FOXP2: variants seen among roughly 807,000 people sequenced by gnomAD.
FOXP2 encodes the protein forkhead box P2.
FOXP2 carries 12 observed loss-of-function variants against 115.8 expected under a neutral mutation model. The ratio of observed to expected loss-of-function variants is 0.10; its 90% CI spans 0.07 to 0.17. The LOEUF (loss-of-function observed/expected upper bound fraction) is 0.17, where lower values mean the gene tolerates loss of function less well. Among genes scored for constraint, FOXP2 ranks in the 10% least tolerant of loss-of-function variants. The probability of loss-of-function intolerance (pLI) is 1.00; values close to 1 mark genes in which losing one functional copy is unlikely to be tolerated. For missense variants in FOXP2, 629 were observed against 843.5 expected (o/e 0.75, Z 3.15); for synonymous variants, 328 against 297.7 (o/e 1.10, Z -1.05).
chr7:114,679,505 C>A (rs1419069042), intron 16 of FOXP2, among the ~76,000 whole-genome samples: 1 of 152,090 alleles, frequency 6.6e-6, no homozygotes, highest in African/African-American at 2.4e-5. Flanking sequence ...TGCTCAAAAA[C>A]CATCAATAGC....
intron 2 of FOXP2, among the ~76,000 whole-genome samples, chr7:114,358,649 A>C (rs1454360093): frequency 2.0e-5 from 3 of 152,168 alleles, no homozygotes; most frequent in African/African-American, 7.2e-5. Flanking sequence ...AACAAAGGTG[A>C]TTCTTGATAT....
rs200186714 is a variant in FOXP2 at position 114,258,679 on chromosome 7, T to C, written c.-101-29340T>C. Among the ~76,000 whole-genome samples the C allele has an allele frequency of 7.2e-5, 11 of 152,356 alleles. No homozygotes were observed. In the East Asian group the frequency reaches 2.1e-3, roughly 29 times the overall value. Reference sequence around the variant, plus strand: ...ATTACCAGACTTATAGCAATGCTTCTGACAGTATTTATTTGATATATAAAT... The same window carrying C: ...ATTACCAGACTTATAGCAATGCTTCCGACAGTATTTATTTGATATATAAAT... On this transcript the variant is annotated intron_variant, in intron 1 of 17. Coordinates refer to the FOXP2 transcript ENST00000634411.
At chr7:114,682,787 A>T (rs1808164174) in intron 16 of FOXP2, among the ~76,000 whole-genome samples, 1 of 152,180 alleles carries the variant, frequency 6.6e-6, no homozygotes, top group Non-Finnish European at 1.5e-5. Context: ...TTGACAAGTG[A>T]AAACATGGAG....
In FOXP2 at chr7:114,584,212, AT is replaced by A. The variant is rs753251022; in HGVS notation, c.259-44319del. Among the ~76,000 whole-genome samples, 60 of 151,596 alleles carry A rather than the reference AT, an allele frequency of 4.0e-4. 1 individual carries two copies. Among genetic ancestry groups the A allele is most frequent in the East Asian group, 1.5e-3 (8 of 5,172 alleles). ...TCACACCATCTATGGCATTTTTCTGATTTTTTTTTATTACTCCACTACAAAC... is the reference window on the plus strand; with the variant it reads ...TCACACCATCTATGGCATTTTTCTGATTTTTTTTATTACTCCACTACAAAC... On this transcript the variant is annotated intron_variant, in intron 3 of 16. Transcript: ENST00000350908.
chr7:114,466,416 C>T (rs772448226), intron 2 of FOXP2, among the ~76,000 whole-genome samples: 5 of 152,198 alleles, frequency 3.3e-5, no homozygotes, highest in East Asian at 3.9e-4. Context: ...TATCAATGGC[C>T]TCCCAGATGT....
At chr7:114,146,309 T>C (rs751814693) in intron 1 of FOXP2, among the ~76,000 whole-genome samples, 28 of 152,196 alleles carry the variant, frequency 1.8e-4, no homozygotes, top group Non-Finnish European at 3.8e-4. Context: ...CTAGGCATAA[T>C]ACATGTTGAA....
intron 2 of FOXP2, among the ~76,000 whole-genome samples, chr7:114,292,478 A>G (rs1033344571): frequency 3.9e-5 from 6 of 152,084 alleles, no homozygotes; most frequent in African/African-American, 1.4e-4. Flanking sequence ...ATGTGGCAAA[A>G]CCCAAATATC....
intron 3 of FOXP2, 111 bp from the exon 4 acceptor site, chr7:114,628,429 T>A (rs1804711837): frequency 1.4e-6 from 2 of 1,410,154 alleles, no homozygotes. Flanking sequence ...TAAAAATTAT[T>A]GATCATCAAT....
chr7:114,511,247 C>A (rs1026706873), intron 2 of FOXP2, among the ~76,000 whole-genome samples: 1 of 152,054 alleles, frequency 6.6e-6, no homozygotes, highest in African/African-American at 2.4e-5. Context: ...GGAGAAATAC[C>A]TAATGTAGAT....
At chr7:114,111,378 A>G (rs1562967546) in intron 1 of FOXP2, among the ~76,000 whole-genome samples, 1 of 152,076 alleles carries the variant, frequency 6.6e-6, no homozygotes, top group African/African-American at 2.4e-5. Flanking sequence ...GGTGAGCTCT[A>G]CCCCTACCTG....
intron 1 of FOXP2, among the ~76,000 whole-genome samples, chr7:114,267,177 T>C (rs936409364): frequency 1.1e-4 from 17 of 152,066 alleles, no homozygotes; most frequent in African/African-American, 2.9e-4. Flanking sequence ...TTACTGAAGA[T>C]TGAAAAAATT....
chr7:114,324,357 A>G (rs1225439920), intron 2 of FOXP2, among the ~76,000 whole-genome samples: 1 of 151,906 alleles, frequency 6.6e-6, no homozygotes, highest in Non-Finnish European at 1.5e-5. Flanking sequence ...TTCCTCTGCT[A>G]TATACTGACA....
intron 2 of FOXP2, among the ~76,000 whole-genome samples, chr7:114,517,336 T>G (rs1459888533): frequency 1.3e-5 from 2 of 152,178 alleles, no homozygotes; most frequent in Non-Finnish European, 1.5e-5. Context: ...GGCAGAAGCT[T>G]TTTAGTTTGA....
intron 2 of FOXP2, among the ~76,000 whole-genome samples, chr7:114,478,456 T>C (rs1347689927): frequency 1.3e-5 from 2 of 151,848 alleles, no homozygotes. Context: ...AAGTTGACCT[T>C]ATTGAGAACC....
At position 114,664,443 on chromosome 7, in the gene FOXP2, G is replaced by A; in HGVS notation, c.2003+7G>A. On this transcript the variant is annotated splice_region_variant and intron_variant, in intron 16 of 16. Coordinates refer to ENST00000350908, the MANE Select transcript of FOXP2 (RefSeq NM_014491.4). ...GCTCACCTCAGCCGCACATGTAAGT[G>A]TGGTTAACAGACTCTCTAAAGGGAA... The A allele has an allele frequency of 2.5e-6, 4 of 1,613,264 alleles. No individual in the cohort carries two copies. The highest frequency in any genetic ancestry group is 3.4e-6 in the Non-Finnish European group (4 of 1,179,556).
chr7:114,468,307 C>T (rs1795898138), intron 2 of FOXP2, among the ~76,000 whole-genome samples: 1 of 152,014 alleles, frequency 6.6e-6, no homozygotes, highest in Non-Finnish European at 1.5e-5. Flanking sequence ...AATTCTGGCT[C>T]TGCATTGTGT....
intron 2 of FOXP2, among the ~76,000 whole-genome samples, chr7:114,359,028 C>A (rs1030176235): frequency 6.6e-6 from 1 of 152,118 alleles, no homozygotes; most frequent in Non-Finnish European, 1.5e-5. Flanking sequence ...CAGGGCTTAT[C>A]AAAGGTCTTC....
intron 1 of FOXP2, among the ~76,000 whole-genome samples, chr7:114,272,998 A>G (rs995729212): frequency 6.6e-5 from 10 of 151,472 alleles, no homozygotes. Context: ...GTAATTTGAC[A>G]TTCTTTTTCT....
chr7:114,508,462 C>CTACA (rs1169825368), intron 2 of FOXP2, among the ~76,000 whole-genome samples: 2 of 151,934 alleles, frequency 1.3e-5, no homozygotes, highest in African/African-American at 4.8e-5. Context: ...TGATCTAGTC[C>CTACA]TACAAAAGCA....
Sources: gnomAD v4.1 joint callset for allele counts (sites outside exome capture counted in the v4.1 genomes callset) on GRCh38, gnomAD v4.1.1 for gene constraint, MANE v1.5 for transcripts, NCBI Gene and HGNC (gene_info 2026-07-23, HGNC 2026-07-21) for gene names.